DOCK8: variants seen among roughly 807,000 people sequenced by gnomAD.
The protein encoded by DOCK8 is dedicator of cytokinesis protein 8.
Under a neutral mutation model 245.6 loss-of-function variants are expected in DOCK8, and 141 were observed. The ratio of observed to expected loss-of-function variants is 0.57; its 90% CI spans 0.50 to 0.66. The LOEUF is 0.66. DOCK8 is among the 30% of genes least tolerant of loss of function. The probability of loss-of-function intolerance (pLI) is 0.00; values close to 1 mark genes in which losing one functional copy is unlikely to be tolerated. For missense variants in DOCK8, 2,965 were observed against 2,603.4 expected, an observed-to-expected ratio of 1.14 and a Z score of -3.02; for synonymous variants, 1,168 against 970.2, an observed-to-expected ratio of 1.20 and a Z score of -3.79.
At chr9:350,874 G>C (rs879615911) in intron 14 of DOCK8, among the ~76,000 whole-genome samples, 4 of 152,310 alleles carry the variant, frequency 2.6e-5, no homozygotes, top group Middle Eastern at 3.4e-3. Context: ...CATAGGATCA[G>C]AGCTGTGGAC....
At chr9:390,183 T>C (rs1377200664) in intron 23 of DOCK8, among the ~76,000 whole-genome samples, 1 of 152,090 alleles carries the variant, frequency 6.6e-6, no homozygotes, top group Admixed American at 6.5e-5. Context: ...CTACCCAGAA[T>C]GTTTCCCCCG....
chr9:331,032 G>A (rs891405931), intron 9 of DOCK8, among the ~76,000 whole-genome samples: 2 of 152,104 alleles, frequency 1.3e-5, no homozygotes, highest in African/African-American at 4.8e-5. Context: ...TAATTAAGAA[G>A]TTCTTCATCT....
intron 29 of DOCK8, among the ~76,000 whole-genome samples, chr9:416,398 A>T (rs1586967539): frequency 6.6e-6 from 1 of 152,226 alleles, no homozygotes; most frequent in South Asian, 2.1e-4. Context: ...AGCACACATT[A>T]TCCGAAGTTT....
intron 14 of DOCK8, among the ~76,000 whole-genome samples, chr9:357,719 G>C (rs2052512701): frequency 6.6e-6 from 1 of 152,092 alleles, no homozygotes; most frequent in Non-Finnish European, 1.5e-5. Context: ...GGTTACTAAG[G>C]GGCAAGCTGC....
chr9:428,564 T>C, intron 35 of DOCK8, 68 bp downstream of exon 35: 1 of 1,586,226 alleles, frequency 6.3e-7, no homozygotes, highest in Non-Finnish European at 8.6e-7. Context: ...TTCATACTTC[T>C]CTCTTCAGGT....
chr9:305,306 A>G (rs372238458), intron 5 of DOCK8, among the ~76,000 whole-genome samples: 21 of 151,254 alleles, frequency 1.4e-4, no homozygotes, highest in Middle Eastern at 3.4e-3. Flanking sequence ...TTGTTGAGAC[A>G]GAGTCTCGCT....
At chr9:410,112 A>G (rs1323768725) in intron 28 of DOCK8, among the ~76,000 whole-genome samples, 1 of 152,142 alleles carries the variant, frequency 6.6e-6, no homozygotes, top group East Asian at 1.9e-4. Context: ...ATACTCCACT[A>G]TATATTTTAT....
At chr9:443,853 G>C (rs1587069371) in intron 43 of DOCK8, among the ~76,000 whole-genome samples, 2 of 152,284 alleles carry the variant, frequency 1.3e-5, no homozygotes, top group African/African-American at 2.4e-5. Context: ...ACATGGAAGA[G>C]TCAAGCAAGT....
In DOCK8 at chr9:429,760, T is replaced by C. The variant is rs773636040; in HGVS notation, c.4532T>C (p.Val1511Ala). ...VEQCFDLCHQ[V>A]LHHCSSSMDV... is the part of the protein sequence containing the mutation. ...CAGTGTTTCGACCTATGTCACCAAGTCCTGCACCACTGCAGCAGCAGCATG... is the reference window on the plus strand; with the variant it reads ...CAGTGTTTCGACCTATGTCACCAAGCCCTGCACCACTGCAGCAGCAGCATG... The change falls in exon 36 of 48, where the codon GTC becomes GCC. Residue 1511 changes from valine (V) to alanine (A), a missense_variant. Around this residue, in one of 3 missense-constraint regions of DOCK8, gnomAD observed 2,825 missense variants for 2,453.5 expected, o/e 1.15. Transcript: ENST00000432829. 1 of 1,614,202 alleles carries C rather than the reference T, an allele frequency of 6.2e-7. No homozygotes were observed. Among genetic ancestry groups the C allele is most frequent in the East Asian group, 2.2e-5 (1 of 44,870 alleles).
chr9:418,892 A>T (rs2056151526), intron 30 of DOCK8, among the ~76,000 whole-genome samples: 1 of 152,192 alleles, frequency 6.6e-6, no homozygotes. Context: ...GCCTCCAAAA[A>T]AAAAGACTGA....
At chr9:428,960 C>CTTTATTTATTTA (rs111783905) in intron 35 of DOCK8, among the ~76,000 whole-genome samples, 25 of 152,072 alleles carry the variant, frequency 1.6e-4, no homozygotes, top group Middle Eastern at 3.4e-3. Context: ...TTATTTTTCC[C>CTTTATTTATTTA]TTTATTTATT....
chr9:414,890 C>G lies in DOCK8; in HGVS notation c.3639C>G (p.Ala1213=). 1 of 1,614,186 alleles carries G rather than the reference C, an allele frequency of 6.2e-7. No individual in the cohort carries two copies. The highest frequency in any genetic ancestry group is 8.5e-7 in the Non-Finnish European group (1 of 1,180,036). The part of the protein sequence containing the change: ...VKPEVKVKIA[A]LYLPLVGIIL... Reference sequence around the variant, plus strand: ...CAGAGGTGAAGGTCAAAATCGCCGCCCTTTACCTACCTTTAGTTGGCATCA... The same window carrying G: ...CAGAGGTGAAGGTCAAAATCGCCGCGCTTTACCTACCTTTAGTTGGCATCA... Residue 1213 remains alanine (A), a synonymous_variant, in exon 29 of 48, where the codon GCC becomes GCG. Transcript: ENST00000432829.
chr9:232,947 T>A (rs1364851750), intron 1 of DOCK8, among the ~76,000 whole-genome samples: 2 of 152,332 alleles, frequency 1.3e-5, no homozygotes, highest in East Asian at 3.8e-4. Flanking sequence ...AGCTTTTGAA[T>A]GTGTTTGCTC....
intron 39 of DOCK8, among the ~76,000 whole-genome samples, chr9:438,093 C>T (rs1464807371): frequency 1.3e-5 from 2 of 152,216 alleles, no homozygotes; most frequent in African/African-American, 4.8e-5. Flanking sequence ...GAGCCTCCTC[C>T]TATATTCCTA....
intron 39 of DOCK8, 75 bp downstream of exon 39, chr9:435,050 A>G: frequency 1.3e-6 from 2 of 1,555,190 alleles, no homozygotes; most frequent in East Asian, 2.3e-5. Context: ...CCCCAGGGAC[A>G]TTTGGCAATG....
At chr9:230,363 G>C (rs1328447243) in intron 1 of DOCK8, among the ~76,000 whole-genome samples, 1 of 152,054 alleles carries the variant, frequency 6.6e-6, no homozygotes, top group South Asian at 2.1e-4. Context: ...ATAAACATAC[G>C]TGTGCATGTG....
chr9:286,108 C>T (rs1341802744), intron 2 of DOCK8, among the ~76,000 whole-genome samples: 1 of 152,188 alleles, frequency 6.6e-6, no homozygotes, highest in African/African-American at 2.4e-5. Flanking sequence ...GTAAACAAAA[C>T]ATGGCCTCGG....
At chr9:302,486 A>G (rs1443422377) in intron 4 of DOCK8, among the ~76,000 whole-genome samples, 4 of 152,228 alleles carry the variant, frequency 2.6e-5, no homozygotes, top group Non-Finnish European at 5.9e-5. Flanking sequence ...TAACAAAAAC[A>G]AAAATTGACA....
intron 26 of DOCK8, among the ~76,000 whole-genome samples, chr9:403,955 T>TAC: frequency 1.1e-5 from 1 of 91,004 alleles, no homozygotes; most frequent in African/African-American, 6.4e-5. Context: ...TGTATATATA[T>TAC]ATATGTATAT....
Sources: allele counts gnomAD v4.1 joint callset (sites outside exome capture counted in the v4.1 genomes callset), GRCh38; gene constraint gnomAD v4.1.1; regional missense constraint gnomAD v4.1.1; transcripts MANE v1.5; gene names NCBI Gene and HGNC (gene_info 2026-07-23, HGNC 2026-07-21).